The following ACTR3C variants were observed in gnomAD, a reference collection of about 807,000 sequenced individuals.
The protein encoded by ACTR3C is actin related protein 3C, also known as actin-related protein 3C.
In ACTR3C, 18 loss-of-function variants were observed where a neutral mutation model predicts 26.3. The observed-to-expected ratio is 0.68, with a 90% confidence interval of 0.47 to 1.01. The LOEUF (loss-of-function observed/expected upper bound fraction) is 1.01. Ranked by LOEUF, ACTR3C falls within the 50% of genes least tolerant of loss-of-function variation. The pLI is 0.00. For synonymous variants in ACTR3C, 55 were observed against 94.5 expected (o/e 0.58, Z 2.42); for missense variants, 184 against 250.7 (o/e 0.73, Z 1.80).
the ACTR3C span, among the ~76,000 whole-genome samples, chr7:150,089,152 AT>A: frequency 1.3e-5 from 2 of 152,126 alleles, no homozygotes; most frequent in Non-Finnish European, 2.9e-5. Context: ...ACTGAGATTT[AT>A]TTTTTAGATC....
chr7:150,145,161 A>G, the ACTR3C span, among the ~76,000 whole-genome samples: 1 of 152,218 alleles, frequency 6.6e-6, no homozygotes, highest in African/African-American at 2.4e-5. Flanking sequence ...ATGATATAGA[A>G]TATATAAGGG....
At chr7:150,033,822 G>C in the ACTR3C span, among the ~76,000 whole-genome samples, 182 of 146,516 alleles carry the variant, frequency 1.2e-3, no homozygotes, top group African/African-American at 4.4e-3. Flanking sequence ...CTGGCTCTCA[G>C]TCCCTGCCTC....
the ACTR3C span, among the ~76,000 whole-genome samples, chr7:150,089,163 C>A: frequency 2.6e-5 from 4 of 152,100 alleles, no homozygotes; most frequent in African/African-American, 9.7e-5. Context: ...TTTTTTAGAT[C>A]TGACAGCCCA....
At chr7:149,997,497 T>C in the ACTR3C span, among the ~76,000 whole-genome samples, 1 of 152,160 alleles carries the variant, frequency 6.6e-6, no homozygotes, top group East Asian at 1.9e-4. Context: ...TAAGAGAGTG[T>C]CTGGTGCCTG....
At chr7:150,161,257 C>T in the ACTR3C span, among the ~76,000 whole-genome samples, 2 of 121,682 alleles carry the variant, frequency 1.6e-5, no homozygotes, top group Non-Finnish European at 3.3e-5. Flanking sequence ...GGTACATGTG[C>T]ACAACATGCA....
the ACTR3C span, among the ~76,000 whole-genome samples, chr7:150,003,416 T>A: frequency 0.1 from 14,355 of 143,238 alleles, no homozygotes; most frequent in South Asian, 0.15. Flanking sequence ...AAGTGTGGCA[T>A]GTAGTGTGTT....
the ACTR3C span, among the ~76,000 whole-genome samples, chr7:149,888,892 C>T: frequency 6.6e-6 from 1 of 151,990 alleles, no homozygotes; most frequent in Non-Finnish European, 1.5e-5. Context: ...CCTGTAATCC[C>T]AGCTACTTGG....
At chr7:149,894,192 A>G in the ACTR3C span, among the ~76,000 whole-genome samples, 1 of 152,252 alleles carries the variant, frequency 6.6e-6, no homozygotes, top group East Asian at 1.9e-4. Flanking sequence ...CTGGATATCC[A>G]CATGCAGAAG....
At chr7:150,107,571 T>G in the ACTR3C span, among the ~76,000 whole-genome samples, 1 of 152,052 alleles carries the variant, frequency 6.6e-6, no homozygotes, top group East Asian at 1.9e-4. Flanking sequence ...TGTAGAAGAC[T>G]GCTGCCGTGA....
intron 6 of ACTR3C, among the ~76,000 whole-genome samples, chr7:150,265,587 A>T (rs964325952): frequency 6.6e-6 from 1 of 152,136 alleles, no homozygotes; most frequent in Non-Finnish European, 1.5e-5. Context: ...CCAGCTACTC[A>T]GGAGGCTGAG....
chr7:150,016,729 A>G, the ACTR3C span, among the ~76,000 whole-genome samples: 161 of 152,212 alleles, frequency 1.1e-3, 2 homozygotes, highest in African/African-American at 3.7e-3. Context: ...TCTTACTCCC[A>G]GACCCAAGGC....
chr7:150,136,150 G>A, the ACTR3C span, among the ~76,000 whole-genome samples: 1 of 152,172 alleles, frequency 6.6e-6, no homozygotes, highest in African/African-American at 2.4e-5. Context: ...TTGGAGCCAG[G>A]CCTCCTGGAT....
At chr7:150,260,645 C>T (rs943688639) in intron 6 of ACTR3C, among the ~76,000 whole-genome samples, 2 of 152,188 alleles carry the variant, frequency 1.3e-5, no homozygotes, top group Admixed American at 6.5e-5. Context: ...GGGGTTCAGG[C>T]CTCTGGCTGC....
chr7:149,984,054 A>G, the ACTR3C span, among the ~76,000 whole-genome samples: 23,396 of 152,130 alleles, frequency 0.15, 3,569 homozygotes, highest in African/African-American at 0.39. Context: ...CTGTGCTTTC[A>G]GTTAACAAGA....
At chr7:149,903,720 T>G in the ACTR3C span, among the ~76,000 whole-genome samples, 593 of 150,798 alleles carry the variant, frequency 3.9e-3, no homozygotes, top group South Asian at 0.035. Flanking sequence ...TTATTTTTAT[T>G]TCTGGTAGAG....
the ACTR3C span, among the ~76,000 whole-genome samples, chr7:150,200,363 C>G: frequency 6.6e-6 from 1 of 152,068 alleles, no homozygotes; most frequent in Non-Finnish European, 1.5e-5. Flanking sequence ...AAAAAGTAGT[C>G]ATAGGTGGTA....
the ACTR3C span, among the ~76,000 whole-genome samples, chr7:150,035,706 A>AAG: frequency 1.6e-5 from 2 of 123,460 alleles, no homozygotes; most frequent in Non-Finnish European, 3.6e-5. Context: ...TGGGGGTCCT[A>AAG]AGCCAGGGGG....
chr7:150,083,595 C>T, the ACTR3C span, among the ~76,000 whole-genome samples: 1 of 152,146 alleles, frequency 6.6e-6, no homozygotes, highest in South Asian at 2.1e-4. Context: ...TAACTATAGT[C>T]ACCCTACTGT....
the ACTR3C span, among the ~76,000 whole-genome samples, chr7:150,105,366 G>A: frequency 1.3e-5 from 2 of 151,988 alleles, no homozygotes; most frequent in African/African-American, 4.8e-5. Context: ...ACAGGCATAA[G>A]CCACCGCCCC....
Sources: gnomAD v4.1 joint callset for allele counts (sites outside exome capture counted in the v4.1 genomes callset) on GRCh38, gnomAD v4.1.1 for gene constraint, MANE v1.5 for transcripts, NCBI Gene and HGNC (gene_info 2026-07-23, HGNC 2026-07-21) for gene names.